CCSER1: variants seen among roughly 807,000 people sequenced by gnomAD.
CCSER1 encodes the protein serine-rich coiled-coil domain-containing protein 1.
A neutral mutation model predicts 82.0 loss-of-function variants in CCSER1; 41 were observed. The observed-to-expected ratio is 0.50, with a 90% CI of 0.39 to 0.65. The LOEUF is 0.65. Among genes scored for constraint, CCSER1 ranks in the 30% least tolerant of loss-of-function variants. The pLI is 0.00. For synonymous variants in CCSER1, 414 were observed against 383.9 expected (o/e 1.08, Z -0.92); for missense variants, 1,119 against 1,064.2 (o/e 1.05, Z -0.72).
rs189736342 is a variant in CCSER1, at chr4:90,747,174, A to T, written c.2010+23183A>T. 2.9e-3 allele frequency among the ~76,000 whole-genome samples: 440 copies of T among 152,260 alleles called. 1 individual carries two copies. The highest frequency in any genetic ancestry group is 9.8e-3 in the African/African-American group (407 of 41,542). On this transcript the variant is annotated intron_variant, in intron 7 of 10. Coordinates refer to ENST00000509176, the MANE Select transcript of CCSER1 (RefSeq NM_001145065.2). ...AAAACATCCCACTATTAGGTTGGGC[A>T]TGTATTGAGATCATAATCCTAACAA...
chr4:91,581,103 T>C (rs1045688112), intron 10 of CCSER1, among the ~76,000 whole-genome samples: 2 of 151,678 alleles, frequency 1.3e-5, no homozygotes, highest in African/African-American at 4.8e-5. Context: ...GACAATTGTA[T>C]AAAAAGAAAA....
At chr4:91,269,564 A>G (rs1214790890) in intron 10 of CCSER1, among the ~76,000 whole-genome samples, 1 of 152,212 alleles carries the variant, frequency 6.6e-6, no homozygotes, top group African/African-American at 2.4e-5. Flanking sequence ...AAATTTTATC[A>G]TTCTACAACA....
At chr4:90,144,914 A>G (rs969127635) in intron 1 of CCSER1, among the ~76,000 whole-genome samples, 3 of 152,110 alleles carry the variant, frequency 2.0e-5, no homozygotes, top group African/African-American at 7.2e-5. Context: ...CTGAAAACCA[A>G]CCAAAGAGAT....
intron 7 of CCSER1, among the ~76,000 whole-genome samples, chr4:90,739,180 G>A (rs993189684): frequency 6.6e-6 from 1 of 152,206 alleles, no homozygotes; most frequent in Non-Finnish European, 1.5e-5. Context: ...TAGTCAGCAG[G>A]TTATGCATCC....
At chr4:90,899,986 C>A (rs188133891) in intron 8 of CCSER1, among the ~76,000 whole-genome samples, 2 of 151,580 alleles carry the variant, frequency 1.3e-5, no homozygotes, top group Non-Finnish European at 2.9e-5. Flanking sequence ...AGCATTCCCC[C>A]CTCCTTGTTT....
intron 1 of CCSER1, among the ~76,000 whole-genome samples, chr4:90,292,620 C>T (rs566504682): frequency 6.6e-6 from 1 of 151,986 alleles, no homozygotes; most frequent in African/African-American, 2.4e-5. Flanking sequence ...TCAGCATATT[C>T]CTTAACATGC....
chr4:90,829,797 C>T (rs183785069), intron 8 of CCSER1, among the ~76,000 whole-genome samples: 41 of 152,264 alleles, frequency 2.7e-4, no homozygotes, highest in Non-Finnish European at 8.8e-5. Context: ...GGTCTGTTTC[C>T]CGTAATTCTT....
chr4:90,443,544 CTG>C (rs1452186980), intron 4 of CCSER1, among the ~76,000 whole-genome samples: 2 of 152,040 alleles, frequency 1.3e-5, no homozygotes, highest in African/African-American at 4.8e-5. Context: ...TATTTTTGGA[CTG>C]TGGTTGAATG....
At chr4:90,483,379 G>T (rs1025339311) in intron 5 of CCSER1, among the ~76,000 whole-genome samples, 5 of 152,112 alleles carry the variant, frequency 3.3e-5, no homozygotes, top group Admixed American at 6.5e-5. Context: ...TACATTTAAG[G>T]TTAGTATTGT....
At chr4:90,665,336 T>TG (rs1461775773) in intron 6 of CCSER1, among the ~76,000 whole-genome samples, 1 of 151,970 alleles carries the variant, frequency 6.6e-6, no homozygotes, top group Admixed American at 6.6e-5. Context: ...TTTCTTTTTT[T>TG]TTTTTGAGAC....
intron 10 of CCSER1, among the ~76,000 whole-genome samples, chr4:91,411,509 T>TATATATATATATATACACACAC (rs1208956256): frequency 2.9e-5 from 2 of 68,582 alleles, no homozygotes; most frequent in African/African-American, 9.5e-5. Context: ...TATATATATA[T>TATATATATATATATACACACAC]ATATATATAT....
At chr4:91,358,986 T>C (rs34332858) in intron 10 of CCSER1, among the ~76,000 whole-genome samples, 64,321 of 151,950 alleles carry the variant, frequency 0.42, 14,166 homozygotes, top group East Asian at 0.81. Flanking sequence ...ACAAAACCTC[T>C]CAGACACCGA....
intron 5 of CCSER1, among the ~76,000 whole-genome samples, chr4:90,478,266 CCTGT>C (rs1237002488): frequency 6.6e-5 from 10 of 152,062 alleles, no homozygotes; most frequent in Non-Finnish European, 7.4e-5. Context: ...CAGATTGATT[CCTGT>C]CTGTTTCTAT....
chr4:91,283,108 TA>T (rs1743040023), intron 10 of CCSER1, among the ~76,000 whole-genome samples: 1 of 152,074 alleles, frequency 6.6e-6, no homozygotes. Context: ...TCCTTGAGTA[TA>T]TTATAATATA....
At chr4:90,763,837 A>G (rs1750774691) in intron 7 of CCSER1, among the ~76,000 whole-genome samples, 3 of 151,900 alleles carry the variant, frequency 2.0e-5, no homozygotes, top group Admixed American at 2.0e-4. Flanking sequence ...GAACCAATAC[A>G]CTTCTTCTCC....
intron 10 of CCSER1, among the ~76,000 whole-genome samples, chr4:91,535,279 A>G (rs1761239040): frequency 6.6e-6 from 1 of 152,020 alleles, no homozygotes; most frequent in Admixed American, 6.6e-5. Flanking sequence ...TTAATAAAGT[A>G]TGATATTTGG....
intron 7 of CCSER1, among the ~76,000 whole-genome samples, chr4:90,785,726 A>G (rs570292337): frequency 6.6e-6 from 1 of 151,440 alleles, no homozygotes; most frequent in Non-Finnish European, 1.5e-5. Flanking sequence ...TAAGTTGTCA[A>G]TTTTTTTTTA....
At chr4:90,920,957 CATG>C (rs1281219409) in intron 8 of CCSER1, among the ~76,000 whole-genome samples, 1 of 151,600 alleles carries the variant, frequency 6.6e-6, no homozygotes, top group African/African-American at 2.4e-5. Flanking sequence ...ACTGAAAATA[CATG>C]ATGATACTTT....
chr4:90,861,496 G>C (rs1765080405), intron 8 of CCSER1, among the ~76,000 whole-genome samples: 1 of 151,698 alleles, frequency 6.6e-6, no homozygotes, highest in African/African-American at 2.4e-5. Context: ...TAATCTCTAA[G>C]TACACATTTA....
Sources: allele counts gnomAD v4.1 joint callset (sites outside exome capture counted in the v4.1 genomes callset), GRCh38; gene constraint gnomAD v4.1.1; transcripts MANE v1.5; gene names NCBI Gene and HGNC (gene_info 2026-07-23, HGNC 2026-07-21).